TNS1: variants seen among roughly 807,000 people sequenced by gnomAD.
The protein encoded by TNS1 is tensin 1.
Under a neutral mutation model 168.6 loss-of-function variants are expected in TNS1, and 62 were observed. The observed-to-expected ratio is 0.37, with a 90% confidence interval of 0.30 to 0.45. The LOEUF (loss-of-function observed/expected upper bound fraction) is 0.45. Ranked by LOEUF, TNS1 falls within the 20% of genes least tolerant of loss-of-function variation. TNS1 has a pLI of 1.00. For missense variants in TNS1, 2,240 were observed against 2,339.4 expected (o/e 0.96, Z 0.88); for synonymous variants, 934 against 933.2 (o/e 1.00, Z -0.02).
chr2:217,842,507 C>A lies in TNS1; in HGVS notation c.3007+5003G>T, dbSNP rs192570037. 2.1e-4 allele frequency among the ~76,000 whole-genome samples: 32 copies of A among 152,272 alleles called. No homozygotes were observed. The South Asian group carries it at 2.9e-3, about 14-fold the overall frequency. On this transcript the variant is annotated intron_variant, in intron 19 of 32. Transcript: ENST00000682258. ...ATCAGTAATCTTGTTGGCTCTACCT[C>A]CAAAATATGTCTAAAATCCGAGCAC...
chr2:217,804,600 G>A lies in TNS1; in HGVS notation c.5379C>T (p.Leu1793=). 1 of 1,614,068 alleles carries A rather than the reference G, an allele frequency of 6.2e-7. No individual in the cohort carries two copies. Among genetic ancestry groups the A allele is most frequent in the South Asian group, 1.1e-5 (1 of 91,070 alleles). ...CCTGCTTCCGGGCCACGAAGCCGAA[G>A]AGCCTGCAGGCGGGAGAGGGCAACG... The part of the protein sequence containing the change: ...MKTEGGAPAK[L]FGFVARKQGS... Residue 1793 remains leucine (L), a synonymous_variant, in exon 33 of 33, where the codon CTC becomes CTT. Transcript: ENST00000682258.
chr2:217,864,186 G>A (rs1418428424), intron 18 of TNS1, among the ~76,000 whole-genome samples: 2 of 152,176 alleles, frequency 1.3e-5, no homozygotes, highest in Non-Finnish European at 1.5e-5. Flanking sequence ...CACTCACCGC[G>A]CTTCTGCTTC....
In TNS1 at chr2:217,965,101, G is replaced by A. The variant is rs549901805; in HGVS notation, c.186+13664C>T. Among the ~76,000 whole-genome samples, 461 of 152,328 alleles carry A rather than the reference G, an allele frequency of 3.0e-3. 5 individuals carry two copies. The highest frequency in any genetic ancestry group is 9.2e-3 in the African/African-American group (383 of 41,570). On this transcript the variant is annotated intron_variant, in intron 3 of 32. Coordinates refer to ENST00000682258, the MANE Select transcript of TNS1 (RefSeq NM_001387777.1). ...ATCCATTGGAACAGGTTAAGGGAAC[G>A]CGAACCACAGTCATTCAGTGGAGCT...
intron 27 of TNS1, 89 bp from the exon 28 acceptor site, chr2:217,812,534 A>G (rs950663748): frequency 1.9e-6 from 2 of 1,066,784 alleles, no homozygotes; most frequent in Non-Finnish European, 2.8e-6. Flanking sequence ...GATACACACA[A>G]TCTTCCACTT....
At chr2:217,890,871 G>T in intron 12 of TNS1, 91 bp downstream of exon 12, 1 of 1,421,192 alleles carries the variant, frequency 7.0e-7, no homozygotes, top group Non-Finnish European at 9.9e-7. Flanking sequence ...CCTAGGCACA[G>T]CTATCCCATC....
intron 19 of TNS1, among the ~76,000 whole-genome samples, chr2:217,844,406 T>G (rs1412915274): frequency 1.3e-5 from 2 of 152,172 alleles, no homozygotes; most frequent in African/African-American, 4.8e-5. Context: ...CCAGGTAAGA[T>G]GCAAGCTCCT....
intron 2 of TNS1, among the ~76,000 whole-genome samples, chr2:217,981,180 G>A (rs1958038744): frequency 6.6e-6 from 1 of 152,238 alleles, no homozygotes; most frequent in Admixed American, 6.5e-5. Flanking sequence ...ACTAGAAGGA[G>A]GCCCATCCCC....
intron 6 of TNS1, chr2:217,905,362 C>G (rs775945663): frequency 2.2e-6 from 1 of 450,516 alleles, no homozygotes; most frequent in Non-Finnish European, 4.5e-6. Context: ...AGGCCCCATG[C>G]GGTCCATGGG....
At chr2:217,882,044 C>T in intron 17 of TNS1, 1 of 273,244 alleles carries the variant, frequency 3.7e-6, no homozygotes, top group Non-Finnish European at 6.7e-6. Flanking sequence ...GCCCGCCAGC[C>T]ACTCCCTCCA....
intron 1 of TNS1, among the ~76,000 whole-genome samples, chr2:218,031,167 G>C (rs564210533): frequency 2.0e-5 from 3 of 147,662 alleles, no homozygotes; most frequent in Non-Finnish European, 4.5e-5. Context: ...ATGTCTATGA[G>C]TGTCTTGTGT....
In TNS1 at chr2:217,800,292, C is replaced by G. The variant is rs1384095223; in HGVS notation, c.*4167G>C. On this transcript the variant is annotated 3_prime_UTR_variant, in exon 33 of 33. Coordinates refer to ENST00000682258, the MANE Select transcript of TNS1 (RefSeq NM_001387777.1). ...CCAGGCGTGGGATATGAACAGAGGT[C>G]CTCCAACATTTTGGACATTTGAGGA... The G allele has an allele frequency of 6.6e-6, 1 of 152,248 alleles. No homozygotes were observed. The highest frequency in any genetic ancestry group is 1.5e-5 in the Non-Finnish European group (1 of 68,068). 9.4% of individuals were successfully genotyped at this position (152,248 alleles called of 1,614,324 possible).
At position 217,829,109 on chromosome 2, in the gene TNS1, C is replaced by T. The variant is rs552352383; in HGVS notation, c.3373+2346G>A. On this transcript the variant is annotated intron_variant, in intron 22 of 32. Coordinates refer to ENST00000682258, the MANE Select transcript of TNS1 (RefSeq NM_001387777.1). ...AGTCATTCAGGGCCAGGCACAGTGG[C>T]TCACACCTGTAATCCCAGCACTTTG... Among the ~76,000 whole-genome samples, 4 of 152,276 alleles carry T rather than the reference C, an allele frequency of 2.6e-5. No individual in the cohort carries two copies. In the South Asian group the frequency reaches 8.3e-4, roughly 32 times the overall value.
Position 217,818,019 on chromosome 2 carries a change from G to T in TNS1, c.4313C>A (p.Pro1438His), listed in dbSNP as rs781588999. Residue 1438 changes from proline to histidine, a missense_variant, in exon 24 of 33, where the codon CCC becomes CAC. Physicochemically the swap from Pro to His is moderately conservative, Grantham distance 77. Coordinates refer to ENST00000682258, the MANE Select transcript of TNS1 (RefSeq NM_001387777.1). ...GGCACTGCTCTGCCGGGACAGTGTGGGTCTCCGATCCTCCGGGGTAGAATA... is the reference window on the plus strand; with the variant it reads ...GGCACTGCTCTGCCGGGACAGTGTGTGTCTCCGATCCTCCGGGGTAGAATA... ...GGYSTPEDRR[P>H]TLSRQSSASG... is the part of the protein sequence containing the mutation. 3.9e-5 allele frequency: 63 copies of T among 1,597,630 alleles called. No homozygotes were observed. The Middle Eastern group carries it at 5.0e-4, about 13-fold the overall frequency.
intron 23 of TNS1, 51 bp downstream of exon 23, chr2:217,821,689 A>C (rs780662253): frequency 7.1e-6 from 10 of 1,402,910 alleles, no homozygotes; most frequent in Non-Finnish European, 9.3e-6. Flanking sequence ...ATCCCGTCCC[A>C]GTCCCAGGCC....
At chr2:217,869,301 A>G (rs893458749) in intron 18 of TNS1, among the ~76,000 whole-genome samples, 3 of 152,218 alleles carry the variant, frequency 2.0e-5, no homozygotes, top group Admixed American at 1.3e-4. Context: ...AGGCGAGGAC[A>G]ATGAGTGAAG....
upstream of TNS1, chr2:218,010,558 G>A (rs138444981): frequency 5.9e-3 from 985 of 168,056 alleles, 10 homozygotes; most frequent in African/African-American, 0.022. Flanking sequence ...CGGGGCGGAT[G>A]CCGGCACCCC....
chr2:218,008,848 A>C (rs1958681778), intron 1 of TNS1, among the ~76,000 whole-genome samples: 1 of 152,134 alleles, frequency 6.6e-6, no homozygotes. Flanking sequence ...AATGGTCTGC[A>C]AGATCCCTGC....
At chr2:217,903,476 C>T (rs758098082) in intron 6 of TNS1, 47 of 1,280,552 alleles carry the variant, frequency 3.7e-5, no homozygotes, top group South Asian at 6.5e-5. Context: ...TTTTCCTCTC[C>T]GGGGATCACA....
intron 22 of TNS1, among the ~76,000 whole-genome samples, chr2:217,829,241 TG>T (rs1944049655): frequency 1.3e-5 from 2 of 148,244 alleles, no homozygotes; most frequent in African/African-American, 4.9e-5. Context: ...AAAAAATTGC[TG>T]GGCGTGGTGG....
Sources: allele counts gnomAD v4.1 joint callset (sites outside exome capture counted in the v4.1 genomes callset), GRCh38; gene constraint gnomAD v4.1.1; transcripts MANE v1.5; gene names NCBI Gene and HGNC (gene_info 2026-07-23, HGNC 2026-07-21).